The following TCHP variants were observed in gnomAD, a reference collection of about 807,000 sequenced individuals.
TCHP encodes the protein trichoplein keratin filament binding, also known as trichoplein keratin filament-binding protein.
Under a neutral mutation model 88.7 loss-of-function variants are expected in TCHP, and 81 were observed. That is an observed-to-expected ratio of 0.91 (90% CI 0.76 to 1.10). TCHP has a LOEUF of 1.10. Ranked by LOEUF, TCHP falls within the 50% of genes least tolerant of loss-of-function variation. The pLI is 0.00. For missense variants in TCHP, 641 were observed against 632.1 expected (o/e 1.01, Z -0.15); for synonymous variants, 232 against 232.5 (o/e 1.00, Z 0.02).
At chr12:109,893,795 C>T in the TCHP span, among the ~76,000 whole-genome samples, 1 of 152,104 alleles carries the variant, frequency 6.6e-6, no homozygotes, top group Admixed American at 6.6e-5. Flanking sequence ...CAGAGAGCAG[C>T]GAGCAGGGTT....
intron 1 of TCHP, among the ~76,000 whole-genome samples, chr12:109,902,492 G>A (rs1347699740): frequency 6.6e-6 from 1 of 151,854 alleles, no homozygotes; most frequent in African/African-American, 2.4e-5. Context: ...GTTGTGTTTT[G>A]AGATGGAGTC....
chr12:109,906,999 C>T (rs1315876380), intron 5 of TCHP, among the ~76,000 whole-genome samples: 1 of 152,282 alleles, frequency 6.6e-6, no homozygotes, highest in Admixed American at 6.5e-5. Flanking sequence ...AAGCAGTCCT[C>T]CTAACTCAGC....
chr12:109,887,426 A>C, the TCHP span, among the ~76,000 whole-genome samples: 3 of 151,816 alleles, frequency 2.0e-5, no homozygotes, highest in East Asian at 1.9e-4. Context: ...AAAAAAACAA[A>C]AAAAAAAACC....
upstream of TCHP, among the ~76,000 whole-genome samples, chr12:109,899,750 G>A (rs1023511929): frequency 3.3e-5 from 5 of 152,204 alleles, no homozygotes; most frequent in African/African-American, 1.2e-4. Flanking sequence ...ACTCTCAGAT[G>A]GGATTTGGGG....
chr12:109,909,996 A>G (rs1870393963), intron 8 of TCHP, among the ~76,000 whole-genome samples: 2 of 151,878 alleles, frequency 1.3e-5, no homozygotes, highest in Non-Finnish European at 2.9e-5. Flanking sequence ...AAAACTAGCC[A>G]GGCATGGTGG....
upstream of TCHP, among the ~76,000 whole-genome samples, chr12:109,896,863 C>T (rs2136061179): frequency 1.3e-5 from 2 of 152,232 alleles, no homozygotes; most frequent in Non-Finnish European, 2.9e-5. Flanking sequence ...TGCAGTGAGC[C>T]AAGTTCGCAC....
chr12:109,907,502 C>G (rs200252130), intron 5 of TCHP, 24 bp from the exon 6 acceptor site: 72 of 1,611,906 alleles, frequency 4.5e-5, no homozygotes, highest in Admixed American at 1.0e-4. Context: ...AGATATTGAC[C>G]TGTGTTCATT....
At chr12:109,916,475 T>G (rs1870821604) in intron 12 of TCHP, 116 bp from the exon 13 acceptor site, 1 of 1,155,478 alleles carries the variant, frequency 8.7e-7, no homozygotes, top group African/African-American at 1.6e-5. Flanking sequence ...TTTTTTCAGC[T>G]GGAAATGAAA....
chr12:109,902,945 C>G, intron 1 of TCHP, 82 bp from the exon 2 acceptor site: 1 of 1,159,616 alleles, frequency 8.6e-7, no homozygotes, highest in South Asian at 1.8e-5. Flanking sequence ...GGGTGGTGAC[C>G]ACTCGTTAAA....
rs1231755387 is a variant in TCHP, at chr12:109,903,328, C to T, written c.188+114C>T. On this transcript the variant is annotated intron_variant, in intron 2 of 12. Transcript: ENST00000405876. This position sits in a 1 kb window ranked among gnomAD's most constrained non-coding sequence, Gnocchi z 4.6. The stretch of plus-strand genomic sequence containing the variant: ...TTTGCCAGGCAGTATGAATTACCTG[C>T]ATGGTGATGTTTTTCCAGCTGGAAA... 6 of 918,188 alleles carry T rather than the reference C, an allele frequency of 6.5e-6. No individual in the cohort carries two copies. The highest frequency in any genetic ancestry group is 2.8e-5 in the Admixed American group (1 of 35,778). The allele number at this position is 918,188 out of a possible 1,614,324, so 56.9% of individuals were successfully genotyped here. A position where few individuals can be genotyped will look rare whatever the true frequency, so the allele number is the denominator to read the frequency against.
intron 11 of TCHP, chr12:109,915,184 C>G (rs1391721156): frequency 1.6e-6 from 1 of 628,390 alleles, no homozygotes; most frequent in Non-Finnish European, 2.8e-6. Flanking sequence ...ACGAGGTAAG[C>G]GCCACGCATA....
chr12:109,915,694 C>CTG, intron 12 of TCHP, 148 bp downstream of exon 12: 1 of 1,046,822 alleles, frequency 9.6e-7, no homozygotes, highest in South Asian at 1.7e-5. Flanking sequence ...GTATTTCTCT[C>CTG]TTCCCTGACC....
Position 109,900,287 on chromosome 12 carries a change from T to C in TCHP, c.-140T>C, listed in dbSNP as rs2136063332. The C allele has an allele frequency of 3.3e-5, 5 of 152,232 alleles. No individual in the cohort carries two copies. The highest frequency in any genetic ancestry group is 3.4e-3 in the Middle Eastern group (1 of 294). The allele number at this position is 152,232 out of a possible 1,614,324, so 9.4% of individuals were successfully genotyped here. On this transcript the variant is annotated 5_prime_UTR_variant, in exon 1 of 13. Transcript: ENST00000405876. ...TTGCGACGCTCCGTCGTCGGGCTCG[T>C]TGCCGGTGCAAACAGGGAGGAAACA...
intron 4 of TCHP, 51 bp from the exon 5 acceptor site, chr12:109,906,521 G>T: frequency 6.3e-7 from 1 of 1,576,010 alleles, no homozygotes; most frequent in Non-Finnish European, 8.7e-7. Flanking sequence ...TGTCCCCACA[G>T]TGCCCATCTG....
At chr12:109,886,426 C>G in the TCHP span, among the ~76,000 whole-genome samples, 1 of 152,180 alleles carries the variant, frequency 6.6e-6, no homozygotes, top group East Asian at 1.9e-4. Context: ...GCGTAAGCCA[C>G]CATGCCCGGC....
In TCHP at chr12:109,916,638, T is replaced by G; in HGVS notation, c.*15T>G. Reference sequence around the variant, plus strand: ...CTTGGAACTGACTTCATGGGTACCATAAGTACAGAGAACAAGGGATGCTGA... The same window carrying G: ...CTTGGAACTGACTTCATGGGTACCAGAAGTACAGAGAACAAGGGATGCTGA... On this transcript the variant is annotated 3_prime_UTR_variant, in exon 13 of 13. Coordinates refer to ENST00000405876, the MANE Select transcript of TCHP (RefSeq NM_001143852.2). 1 of 1,612,918 alleles carries G rather than the reference T, an allele frequency of 6.2e-7. No individual in the cohort carries two copies. Among genetic ancestry groups the G allele is most frequent in the Non-Finnish European group, 8.5e-7 (1 of 1,179,474 alleles).
chr12:109,915,384 C>CT lies in TCHP; in HGVS notation c.1321-16dup, dbSNP rs1451639672. On this transcript the variant is annotated intron_variant, in intron 11 of 12. Transcript: ENST00000405876. Reference sequence around the variant, plus strand: ...TGTGGGCCTTGTCTTGGGGTGGTGACTTTGCTCTTGGCACTCAGGTTGCAG... The same window carrying CT: ...TGTGGGCCTTGTCTTGGGGTGGTGACTTTTGCTCTTGGCACTCAGGTTGCAG... 6.2e-7 allele frequency: 1 copy of CT among 1,614,082 alleles called. No homozygotes were observed. The highest frequency in any genetic ancestry group is 8.5e-7 in the Non-Finnish European group (1 of 1,180,040).
At chr12:109,901,894 C>G (rs7978458) in intron 1 of TCHP, among the ~76,000 whole-genome samples, 21,706 of 152,154 alleles carry the variant, frequency 0.14, 2,418 homozygotes, top group African/African-American at 0.31. Context: ...TCGTCTCAAA[C>G]TGTGGCGTTT....
chr12:109,891,393 T>TA, the TCHP span, among the ~76,000 whole-genome samples: 2 of 150,526 alleles, frequency 1.3e-5, no homozygotes, highest in African/African-American at 4.9e-5. Flanking sequence ...ATATTTCCTT[T>TA]TTTTTTTTTT....
Sources: allele counts gnomAD v4.1 joint callset (sites outside exome capture counted in the v4.1 genomes callset), GRCh38; gene constraint gnomAD v4.1.1; non-coding constraint Gnocchi (gnomAD v3.1); transcripts MANE v1.5; gene names NCBI Gene and HGNC (gene_info 2026-07-23, HGNC 2026-07-21).